The following TNNI3K variants were observed in gnomAD, a reference collection of about 807,000 sequenced individuals.
TNNI3K encodes the protein serine/threonine-protein kinase TNNI3K.
A neutral mutation model predicts 114.5 loss-of-function variants in TNNI3K; 140 were observed. That is an observed-to-expected ratio of 1.22 (90% confidence interval 1.07 to 1.41). The LOEUF is 1.41. TNNI3K is among the 40% of genes most tolerant of loss of function. The probability of loss-of-function intolerance (pLI) is 0.00; values close to 1 mark genes in which losing one functional copy is unlikely to be tolerated. For synonymous variants in TNNI3K, 347 were observed against 347.5 expected (o/e 1.00, Z 0.02); for missense variants, 1,125 against 1,007.6 (o/e 1.12, Z -1.58).
chr1:74,533,019 T>A (rs1011925884), intron 23 of TNNI3K, among the ~76,000 whole-genome samples: 1 of 152,014 alleles, frequency 6.6e-6, no homozygotes, highest in African/African-American at 2.4e-5. Context: ...GGACTTCATG[T>A]CCAAAACACC....
intron 20 of TNNI3K, among the ~76,000 whole-genome samples, chr1:74,445,093 C>T (rs927390226): frequency 1.3e-5 from 2 of 152,030 alleles, no homozygotes; most frequent in African/African-American, 4.8e-5. Context: ...AGAAGAAAAT[C>T]TAGGCAAGAC....
At chr1:74,264,107 A>G (rs1180656283) in intron 4 of TNNI3K, among the ~76,000 whole-genome samples, 1 of 151,880 alleles carries the variant, frequency 6.6e-6, no homozygotes, top group Non-Finnish European at 1.5e-5. Flanking sequence ...TGAGGGGAAA[A>G]AATAGGTCCA....
intron 5 of TNNI3K, among the ~76,000 whole-genome samples, chr1:74,305,387 G>C (rs1658562561): frequency 6.6e-6 from 1 of 152,162 alleles, no homozygotes; most frequent in African/African-American, 2.4e-5. Flanking sequence ...TAAGGAACCA[G>C]TACTGAGCTG....
At chr1:74,499,950 A>AT (rs1405124835) in intron 23 of TNNI3K, among the ~76,000 whole-genome samples, 1 of 151,766 alleles carries the variant, frequency 6.6e-6, no homozygotes, top group Non-Finnish European at 1.5e-5. Context: ...TCTGTCTAGT[A>AT]TTTTTTCTCA....
intron 20 of TNNI3K, among the ~76,000 whole-genome samples, chr1:74,457,139 T>G (rs1218757280): frequency 6.6e-6 from 1 of 152,200 alleles, no homozygotes; most frequent in Admixed American, 6.6e-5. Context: ...TGAAATCTTA[T>G]GTTTATTGTG....
chr1:74,453,871 G>A (rs1667124855), intron 20 of TNNI3K, among the ~76,000 whole-genome samples: 1 of 152,098 alleles, frequency 6.6e-6, no homozygotes, highest in Admixed American at 6.6e-5. Flanking sequence ...TACCCACGCT[G>A]ACCATATCAA....
chr1:74,386,997 T>C (rs1333542866), intron 17 of TNNI3K, among the ~76,000 whole-genome samples: 3 of 152,186 alleles, frequency 2.0e-5, no homozygotes, highest in Non-Finnish European at 4.4e-5. Context: ...ATTTGTTTAC[T>C]TGTAAATGTT....
chr1:74,290,755 T>C (rs1657628859), intron 5 of TNNI3K, among the ~76,000 whole-genome samples: 1 of 151,772 alleles, frequency 6.6e-6, no homozygotes, highest in African/African-American at 2.4e-5. Flanking sequence ...TCTTAAATAT[T>C]CACCTTTACA....
chr1:74,300,432 G>A (rs515599), intron 5 of TNNI3K, among the ~76,000 whole-genome samples: 150,948 of 152,308 alleles, frequency 0.99, 74,816 homozygotes, highest in Middle Eastern at 1. Context: ...ATATGTTATT[G>A]CTGACACTGA....
At chr1:74,359,044 G>T (rs1661813020) in intron 11 of TNNI3K, among the ~76,000 whole-genome samples, 1 of 151,898 alleles carries the variant, frequency 6.6e-6, no homozygotes, top group Non-Finnish European at 1.5e-5. Flanking sequence ...CCCAATCCAT[G>T]CAGTTGTTGA....
At chr1:74,522,928 T>C (rs953824695) in intron 23 of TNNI3K, among the ~76,000 whole-genome samples, 13 of 152,324 alleles carry the variant, frequency 8.5e-5, no homozygotes, top group African/African-American at 3.1e-4. Context: ...AGCCTACACT[T>C]CTAACTCCAA....
In TNNI3K at chr1:74,497,568, A is replaced by G. The variant is rs1669391637; in HGVS notation, c.2351+5302A>G. Among the ~76,000 whole-genome samples, 9 of 150,940 alleles carry G rather than the reference A, an allele frequency of 6.0e-5. No homozygotes were observed. In the South Asian group the frequency reaches 1.7e-3, roughly 28 times the overall value. ...TTCAACTCACACCACATACATGCAC[A>G]CACACACACACACATACACATGCAC... On this transcript the variant is annotated intron_variant, in intron 23 of 24. Coordinates refer to ENST00000326637, the MANE Select transcript of TNNI3K (RefSeq NM_015978.3).
intron 23 of TNNI3K, among the ~76,000 whole-genome samples, chr1:74,494,442 A>G (rs1005343316): frequency 3.9e-5 from 6 of 152,190 alleles, no homozygotes; most frequent in Non-Finnish European, 7.3e-5. Context: ...ATTGATAACC[A>G]CACAAACTGG....
intron 17 of TNNI3K, chr1:74,372,229 T>C (rs1662653502): frequency 6.6e-6 from 1 of 151,834 alleles, no homozygotes; most frequent in East Asian, 1.9e-4. Context: ...GTAACACAGC[T>C]AGTCAGGAAC....
At chr1:74,481,481 G>A (rs1668499912) in intron 21 of TNNI3K, among the ~76,000 whole-genome samples, 1 of 152,202 alleles carries the variant, frequency 6.6e-6, no homozygotes, top group Admixed American at 6.5e-5. Flanking sequence ...GTGAGAAGGA[G>A]CATTGATTTC....
intron 5 of TNNI3K, among the ~76,000 whole-genome samples, chr1:74,300,729 G>T (rs1658273966): frequency 6.6e-6 from 1 of 152,172 alleles, no homozygotes; most frequent in South Asian, 2.1e-4. Flanking sequence ...CAGTTATGAG[G>T]CAGTACACTG....
At chr1:74,464,799 C>A in intron 21 of TNNI3K, 1 of 1,516,064 alleles carries the variant, frequency 6.6e-7, no homozygotes, top group Non-Finnish European at 8.9e-7. Flanking sequence ...TTAGAATCTT[C>A]CATCACTACC....
At chr1:74,312,219 T>C (rs936736283) in intron 5 of TNNI3K, among the ~76,000 whole-genome samples, 1 of 152,206 alleles carries the variant, frequency 6.6e-6, no homozygotes, top group Admixed American at 6.5e-5. Context: ...TTCTGGAGAT[T>C]ATTAAAAGTA....
chr1:74,354,151 C>T (rs1196258333), intron 11 of TNNI3K, 22 bp downstream of exon 11: 2 of 1,613,448 alleles, frequency 1.2e-6, no homozygotes, highest in Non-Finnish European at 1.7e-6. Flanking sequence ...ATCATCGTGT[C>T]TCTATAGTGA....
Sources: gnomAD v4.1 joint callset for allele counts (sites outside exome capture counted in the v4.1 genomes callset) on GRCh38, gnomAD v4.1.1 for gene constraint, MANE v1.5 for transcripts, NCBI Gene and HGNC (gene_info 2026-07-23, HGNC 2026-07-21) for gene names.